Variants in COLEC10 observed in about 807,000 individuals in gnomAD.
COLEC10 encodes collectin-10.
A neutral mutation model predicts 28.4 loss-of-function variants in COLEC10; 22 were observed. That is an observed-to-expected ratio of 0.78 (90% CI 0.55 to 1.11). The LOEUF is 1.11. Ranked by LOEUF, COLEC10 falls within the 50% of genes least tolerant of loss-of-function variation. The pLI is 0.00. For synonymous variants in COLEC10, 125 were observed against 116.1 expected (o/e 1.08, Z -0.49); for missense variants, 361 against 344.1 (o/e 1.05, Z -0.39).
At chr8:118,975,958 T>G in the COLEC10 span, among the ~76,000 whole-genome samples, 1 of 152,062 alleles carries the variant, frequency 6.6e-6, no homozygotes, top group Admixed American at 6.6e-5. Context: ...AGCTAAGAAT[T>G]GGGAAACTGA....
chr8:118,997,318 T>A (rs1258939742), intron 1 of COLEC10, among the ~76,000 whole-genome samples: 1 of 152,190 alleles, frequency 6.6e-6, no homozygotes, highest in African/African-American at 2.4e-5. Flanking sequence ...TTGATGTGGT[T>A]CCACTTGTCT....
chr8:119,019,390 A>G (rs1410861697), intron 2 of COLEC10, among the ~76,000 whole-genome samples: 2 of 152,156 alleles, frequency 1.3e-5, no homozygotes, highest in Admixed American at 1.3e-4. Context: ...TCTGTATTCC[A>G]TGTGCTCTTG....
At chr8:119,081,163 A>C (rs1815359587) in intron 1 of COLEC10, among the ~76,000 whole-genome samples, 1 of 152,276 alleles carries the variant, frequency 6.6e-6, no homozygotes, top group Non-Finnish European at 1.5e-5. Flanking sequence ...ATTATTGACT[A>C]TTATTTTCCA....
chr8:119,084,893 T>C (rs1815441038), intron 1 of COLEC10, among the ~76,000 whole-genome samples: 3 of 152,010 alleles, frequency 2.0e-5, no homozygotes, highest in Admixed American at 1.3e-4. Flanking sequence ...AGTAAAAGAG[T>C]AAGTAATGAT....
intron 1 of COLEC10, among the ~76,000 whole-genome samples, chr8:118,996,891 T>C (rs1813599047): frequency 6.6e-6 from 1 of 151,776 alleles, no homozygotes; most frequent in Non-Finnish European, 1.5e-5. Context: ...TTGGGGGAGG[T>C]ACCACACTCT....
At chr8:118,963,775 G>A in the COLEC10 span, among the ~76,000 whole-genome samples, 19 of 152,038 alleles carry the variant, frequency 1.2e-4, no homozygotes, top group African/African-American at 4.6e-4. Flanking sequence ...AAGAGGTTAG[G>A]GCTTTTGTCT....
At chr8:119,077,346 T>C (rs1391382396) in intron 1 of COLEC10, among the ~76,000 whole-genome samples, 1 of 152,018 alleles carries the variant, frequency 6.6e-6, no homozygotes, top group Non-Finnish European at 1.5e-5. Flanking sequence ...TAAATTTTTT[T>C]CTGCTCCCTC....
In COLEC10 at chr8:119,079,017, ACACACACACACACACACAC is replaced by A. The variant is rs1273882403; in HGVS notation, c.149-10662_149-10644del. Among the ~76,000 whole-genome samples the A allele has an allele frequency of 4.0e-5, 6 of 151,004 alleles. No homozygotes were observed. The East Asian group carries it at 1.2e-3, about 30-fold the overall frequency. On this transcript the variant is annotated intron_variant, in intron 1 of 5. Transcript: ENST00000332843. Reference sequence around the variant, plus strand: ...CACACACACACACACACACACACACACACACACACACACACACACACACACACCAACCAGGATGTTGCAA... The same window carrying A: ...CACACACACACACACACACACACACAACACACACCAACCAGGATGTTGCAA...
the COLEC10 span, among the ~76,000 whole-genome samples, chr8:118,959,244 G>A: frequency 6.6e-6 from 1 of 152,178 alleles, no homozygotes; most frequent in African/African-American, 2.4e-5. Context: ...TGTCAGATAA[G>A]GCTTAGAGAG....
At chr8:119,012,082 C>T (rs748745447) in intron 2 of COLEC10, among the ~76,000 whole-genome samples, 2 of 150,688 alleles carry the variant, frequency 1.3e-5, no homozygotes, top group East Asian at 1.9e-4. Flanking sequence ...CCAGTAAGTA[C>T]GAAGTTAGCA....
chr8:119,010,987 G>T (rs1355421016), intron 2 of COLEC10, among the ~76,000 whole-genome samples: 2 of 151,068 alleles, frequency 1.3e-5, no homozygotes, highest in South Asian at 2.1e-4. Flanking sequence ...AGCAGGAATT[G>T]TTCATTTTAA....
chr8:119,051,383 C>T (rs557874752), intron 2 of COLEC10, among the ~76,000 whole-genome samples: 2 of 152,242 alleles, frequency 1.3e-5, no homozygotes, highest in Admixed American at 1.3e-4. Flanking sequence ...ATCTTTTAAC[C>T]TTCCTGAGCC....
chr8:118,968,025 T>A, the COLEC10 span, among the ~76,000 whole-genome samples: 1 of 152,152 alleles, frequency 6.6e-6, no homozygotes, highest in African/African-American at 2.4e-5. Flanking sequence ...TGACAGTTCT[T>A]TAAATGAAAT....
intron 4 of COLEC10, among the ~76,000 whole-genome samples, chr8:119,103,360 G>C (rs188111129): frequency 6.6e-6 from 1 of 152,230 alleles, no homozygotes; most frequent in Admixed American, 6.5e-5. Flanking sequence ...ATCATGAAAA[G>C]TTTCTTCTGT....
chr8:119,091,587 GAGAGAGAGAGAAAGAAAGAA>G (rs1194794978), intron 3 of COLEC10, among the ~76,000 whole-genome samples: 1 of 86,990 alleles, frequency 1.1e-5, no homozygotes, highest in African/African-American at 4.3e-5. Flanking sequence ...GAGAGAGAGA[GAGAGAGAGAGAAAGAAAGAA>G]AGAAAGAAAG....
chr8:119,020,123 AT>A (rs553241322), intron 2 of COLEC10, among the ~76,000 whole-genome samples: 2 of 151,964 alleles, frequency 1.3e-5, no homozygotes, highest in South Asian at 4.2e-4. Flanking sequence ...TTTTCCCCTC[AT>A]TTTATCCTGG....
At chr8:119,068,474 G>C (rs1293934143) in intron 1 of COLEC10, 1 of 152,118 alleles carries the variant, frequency 6.6e-6, no homozygotes, top group African/African-American at 2.4e-5. Context: ...TGTTCAGAAA[G>C]AAAGTTTTGA....
At chr8:119,069,075 G>C (rs984763208) in intron 1 of COLEC10, among the ~76,000 whole-genome samples, 1 of 152,014 alleles carries the variant, frequency 6.6e-6, no homozygotes, top group African/African-American at 2.4e-5. Context: ...CTAGGGGTTG[G>C]AAGCTAAGAT....
At chr8:119,027,356 T>C (rs913765767) in intron 2 of COLEC10, among the ~76,000 whole-genome samples, 1 of 152,226 alleles carries the variant, frequency 6.6e-6, no homozygotes, top group Non-Finnish European at 1.5e-5. Context: ...TTCATATTCA[T>C]GACCCCTCTC....
Sources: allele counts gnomAD v4.1 joint callset (sites outside exome capture counted in the v4.1 genomes callset), GRCh38; gene constraint gnomAD v4.1.1; transcripts MANE v1.5; gene names NCBI Gene and HGNC (gene_info 2026-07-23, HGNC 2026-07-21).